Variants in EPHA3 observed in about 807,000 individuals in gnomAD.
EPHA3 encodes the protein ephrin type-A receptor 3.
In EPHA3, 42 loss-of-function variants were observed where a neutral mutation model predicts 107.1. That is an observed-to-expected ratio of 0.39 (90% CI 0.31 to 0.51). The LOEUF is 0.51. Among genes scored for constraint, EPHA3 ranks in the 20% least tolerant of loss-of-function variants. The probability of loss-of-function intolerance (pLI) is 0.78; values close to 1 mark genes in which losing one functional copy is unlikely to be tolerated. For missense variants in EPHA3, 1,183 were observed against 1,211.2 expected, an observed-to-expected ratio of 0.98 and a Z score of 0.35; for synonymous variants, 461 against 424.8, an observed-to-expected ratio of 1.09 and a Z score of -1.05.
chr3:89,459,388 TTTC>T (rs1710167767), intron 15 of EPHA3, among the ~76,000 whole-genome samples: 1 of 151,620 alleles, frequency 6.6e-6, no homozygotes, highest in Admixed American at 6.6e-5. Context: ...CAAAGAAATG[TTTC>T]TTCTTTCTTC....
intron 15 of EPHA3, among the ~76,000 whole-genome samples, chr3:89,455,703 T>C (rs1710083769): frequency 6.6e-6 from 1 of 152,206 alleles, no homozygotes; most frequent in African/African-American, 2.4e-5. Flanking sequence ...AACAAAAGCA[T>C]TTCAGAAGAT....
intron 5 of EPHA3, among the ~76,000 whole-genome samples, chr3:89,360,552 A>G (rs1708072539): frequency 6.6e-6 from 1 of 151,058 alleles, no homozygotes; most frequent in Admixed American, 6.6e-5. Context: ...TATCTACATC[A>G]GCATAGTCTA....
At chr3:89,473,177 T>A (rs1484961213) in intron 16 of EPHA3, among the ~76,000 whole-genome samples, 1 of 152,132 alleles carries the variant, frequency 6.6e-6, no homozygotes, top group Admixed American at 6.6e-5. Flanking sequence ...TATAATTAGG[T>A]TTAAGATAGA....
At chr3:89,368,667 C>A (rs927156736) in intron 5 of EPHA3, among the ~76,000 whole-genome samples, 4 of 150,258 alleles carry the variant, frequency 2.7e-5, no homozygotes, top group African/African-American at 9.7e-5. Context: ...GAAGAGAGAG[C>A]AAGTTCACTG....
intron 7 of EPHA3, among the ~76,000 whole-genome samples, chr3:89,407,023 T>C (rs1463480277): frequency 1.3e-5 from 2 of 152,146 alleles, no homozygotes; most frequent in African/African-American, 4.8e-5. Context: ...TAATGTTTGA[T>C]TGATGTCATT....
At chr3:89,114,687 C>G (rs1291199471) in intron 1 of EPHA3, among the ~76,000 whole-genome samples, 1 of 151,926 alleles carries the variant, frequency 6.6e-6, no homozygotes, top group Non-Finnish European at 1.5e-5. Flanking sequence ...GGTGTAGACT[C>G]TGTAGCGAGC....
In EPHA3 at chr3:89,232,267, T is replaced by A. The variant is rs148200458; in HGVS notation, c.814+21747T>A. 2.6e-5 allele frequency among the ~76,000 whole-genome samples: 4 copies of A among 152,044 alleles called. No individual in the cohort carries two copies. In the East Asian group the frequency reaches 5.8e-4, roughly 22 times the overall value. The stretch of plus-strand genomic sequence containing the variant: ...ATTTAAAGAATGAAGAGCAAAAAAA[T>A]TGGTGGTTGGGCAAGGAAGACTCAT... On this transcript the variant is annotated intron_variant, in intron 3 of 16. Coordinates refer to ENST00000336596, the MANE Select transcript of EPHA3 (RefSeq NM_005233.6).
chr3:89,378,364 G>A (rs992359482), intron 5 of EPHA3, among the ~76,000 whole-genome samples: 3 of 151,800 alleles, frequency 2.0e-5, no homozygotes, highest in African/African-American at 4.8e-5. Flanking sequence ...GACTCATGCC[G>A]GCATCCCCAG....
chr3:89,475,435 C>T (rs1710487122), intron 16 of EPHA3, among the ~76,000 whole-genome samples: 1 of 152,142 alleles, frequency 6.6e-6, no homozygotes, highest in South Asian at 2.1e-4. Flanking sequence ...TAAAATTTCA[C>T]ATTCAAATGC....
chr3:89,458,351 G>A lies in EPHA3; in HGVS notation c.2690+7981G>A, dbSNP rs539344557. On this transcript the variant is annotated intron_variant, in intron 15 of 16. Coordinates refer to ENST00000336596, the MANE Select transcript of EPHA3 (RefSeq NM_005233.6). The stretch of plus-strand genomic sequence containing the variant: ...AGAATGTGAAATGGTAGGTAGAAAC[G>A]AGGAACAATCAGGGTGATAGGATGA... Among the ~76,000 whole-genome samples the A allele has an allele frequency of 1.1e-4, 17 of 152,170 alleles. No homozygotes were observed. In the South Asian group the frequency reaches 3.1e-3, roughly 28 times the overall value.
At chr3:89,184,794 G>A (rs541225737) in intron 2 of EPHA3, among the ~76,000 whole-genome samples, 1 of 152,086 alleles carries the variant, frequency 6.6e-6, no homozygotes, top group South Asian at 2.1e-4. Flanking sequence ...TGGGGAGTCA[G>A]GCGGAAAGAT....
chr3:89,159,489 C>A (rs1402553780), intron 2 of EPHA3, among the ~76,000 whole-genome samples: 1 of 152,090 alleles, frequency 6.6e-6, no homozygotes, highest in Non-Finnish European at 1.5e-5. Context: ...TCATTGACAC[C>A]ACGACAAGGC....
intron 1 of EPHA3, among the ~76,000 whole-genome samples, chr3:89,108,080 T>A (rs991790269): frequency 1.3e-5 from 2 of 152,202 alleles, no homozygotes; most frequent in African/African-American, 4.8e-5. Flanking sequence ...AGCAATTACC[T>A]TGTTTGCCAA....
At chr3:89,419,163 A>G in intron 10 of EPHA3, 42 bp from the exon 11 acceptor site, 1 of 1,521,202 alleles carries the variant, frequency 6.6e-7, no homozygotes, top group Non-Finnish European at 8.8e-7. Flanking sequence ...AATTTTTATT[A>G]TAGAATTCCT....
intron 15 of EPHA3, among the ~76,000 whole-genome samples, chr3:89,452,499 G>GA (rs1262816141): frequency 1.3e-5 from 2 of 151,986 alleles, no homozygotes; most frequent in Non-Finnish European, 2.9e-5. Context: ...GTCTTCCTCA[G>GA]AAAAAAATGT....
chr3:89,242,516 C>A (rs1239771478), intron 3 of EPHA3, among the ~76,000 whole-genome samples: 1 of 152,166 alleles, frequency 6.6e-6, no homozygotes, highest in Admixed American at 6.5e-5. Context: ...CGGCTCACTG[C>A]AAGCTCCGCC....
chr3:89,202,168 C>T (rs1705982964), intron 2 of EPHA3, among the ~76,000 whole-genome samples: 1 of 151,830 alleles, frequency 6.6e-6, no homozygotes, highest in Non-Finnish European at 1.5e-5. Context: ...TGTGTTATGC[C>T]TCCTCCACCA....
intron 3 of EPHA3, among the ~76,000 whole-genome samples, chr3:89,264,426 C>G (rs1705489456): frequency 6.6e-6 from 1 of 152,104 alleles, no homozygotes; most frequent in African/African-American, 2.4e-5. Context: ...TCAGCCCTGT[C>G]CTACGTTCTC....
intron 2 of EPHA3, among the ~76,000 whole-genome samples, chr3:89,180,069 G>A (rs1356046258): frequency 6.6e-6 from 1 of 151,968 alleles, no homozygotes; most frequent in Non-Finnish European, 1.5e-5. Context: ...ATCTGTAGTT[G>A]AGGGTGTTTA....
Sources: gnomAD v4.1 joint callset for allele counts (sites outside exome capture counted in the v4.1 genomes callset) on GRCh38, gnomAD v4.1.1 for gene constraint, MANE v1.5 for transcripts, NCBI Gene and HGNC (gene_info 2026-07-23, HGNC 2026-07-21) for gene names.